UAP1: variants seen among roughly 807,000 people sequenced by gnomAD.
The protein encoded by UAP1 is UDP-N-acetylglucosamine pyrophosphorylase 1.
UAP1 carries 25 observed loss-of-function variants against 58.5 expected under a neutral mutation model. The ratio of observed to expected loss-of-function variants is 0.43; its 90% confidence interval spans 0.31 to 0.60. The LOEUF is 0.60. Among genes scored for constraint, UAP1 ranks in the 20% least tolerant of loss-of-function variants. The pLI, the probability that UAP1 is intolerant of heterozygous loss-of-function variation, is 0.11. For missense variants in UAP1, 575 were observed against 630.0 expected (o/e 0.91, Z 0.93); for synonymous variants, 208 against 213.0 (o/e 0.98, Z 0.21).
At chr1:162,589,445 G>A (rs1655168610) in intron 7 of UAP1, among the ~76,000 whole-genome samples, 1 of 149,736 alleles carries the variant, frequency 6.7e-6, no homozygotes, top group Non-Finnish European at 1.5e-5. Flanking sequence ...GAGCCACTAC[G>A]CCCCGCCTTG....
At chr1:162,562,132 G>A (rs1653182020) in intron 1 of UAP1, among the ~76,000 whole-genome samples, 2 of 152,116 alleles carry the variant, frequency 1.3e-5, no homozygotes, top group Non-Finnish European at 2.9e-5. Flanking sequence ...GGGTCGTGTA[G>A]GCGTGTGGGG....
chr1:162,594,807 C>T (rs1264855417), intron 9 of UAP1, among the ~76,000 whole-genome samples: 1 of 152,168 alleles, frequency 6.6e-6, no homozygotes, highest in African/African-American at 2.4e-5. Flanking sequence ...GCCCAGTTTA[C>T]TTCATTTTAG....
intron 7 of UAP1, among the ~76,000 whole-genome samples, chr1:162,589,404 C>G (rs970927689): frequency 1.0e-3 from 152 of 148,388 alleles, no homozygotes; most frequent in African/African-American, 3.5e-3. Flanking sequence ...CTTCCCATCT[C>G]GGCCGCCCAA....
chr1:162,597,514 A>G (rs1236375807), intron 9 of UAP1: 5 of 338,392 alleles, frequency 1.5e-5, no homozygotes, highest in South Asian at 6.5e-5. Flanking sequence ...TAAAAATGAG[A>G]TGTATGTAAG....
chr1:162,581,684 G>A (rs942742695), intron 5 of UAP1, among the ~76,000 whole-genome samples: 5 of 152,292 alleles, frequency 3.3e-5, no homozygotes, highest in African/African-American at 1.2e-4. Context: ...TAAACTATGT[G>A]AGGAGGATTT....
At chr1:162,590,071 G>A (rs1322564329) in intron 7 of UAP1, among the ~76,000 whole-genome samples, 3 of 137,016 alleles carry the variant, frequency 2.2e-5, no homozygotes, top group Non-Finnish European at 4.7e-5. Context: ...TGTGATCTTT[G>A]TACATTAAGA....
At chr1:162,571,469 TC>T (rs1376388971) in intron 2 of UAP1, among the ~76,000 whole-genome samples, 2 of 152,140 alleles carry the variant, frequency 1.3e-5, no homozygotes, top group African/African-American at 4.8e-5. Context: ...TGTGTTGAGT[TC>T]CCTTGTGTAG....
At chr1:162,589,849 G>C (rs541987833) in intron 7 of UAP1, among the ~76,000 whole-genome samples, 1 of 152,244 alleles carries the variant, frequency 6.6e-6, no homozygotes, top group South Asian at 2.1e-4. Context: ...GTGCATGCCT[G>C]AAGTCCCAGC....
chr1:162,597,995 A>T, intron 10 of UAP1, 137 bp downstream of exon 10: 2 of 716,524 alleles, frequency 2.8e-6, no homozygotes, highest in South Asian at 3.8e-5. Flanking sequence ...AATTGGCTTT[A>T]TTTGATTATT....
chr1:162,566,022 A>G (rs778179357), exon 2 of UAP1: 2 of 1,570,900 alleles, frequency 1.3e-6, no homozygotes, highest in South Asian at 1.2e-5. Flanking sequence ...GTTTACAGGT[A>G]CATACATTAC....
At chr1:162,571,172 A>G (rs1172551776) in intron 2 of UAP1, among the ~76,000 whole-genome samples, 2 of 147,826 alleles carry the variant, frequency 1.4e-5, no homozygotes, top group Non-Finnish European at 3.0e-5. Flanking sequence ...TCCGTTGCCC[A>G]GGCTGGAGTG....
In UAP1 at chr1:162,575,808, C is replaced by G. The variant is rs1654146364; in HGVS notation, c.281-969C>G. ...CTCCGCCTTCTGGGTTCAAGCAATT[C>G]TCCTGTTTCAGCCTACAGGTGTGTG... On this transcript the variant is annotated intron_variant, in intron 2 of 10. Transcript: ENST00000271469. 2.6e-5 allele frequency among the ~76,000 whole-genome samples: 4 copies of G among 150,992 alleles called. No individual in the cohort carries two copies. In the South Asian group the frequency reaches 8.4e-4, roughly 32 times the overall value.
At chr1:162,583,920 G>A (rs971967386) in intron 5 of UAP1, among the ~76,000 whole-genome samples, 5 of 152,152 alleles carry the variant, frequency 3.3e-5, no homozygotes, top group Admixed American at 6.5e-5. Flanking sequence ...GATTACAGGC[G>A]TGAGCCACTG....
intron 8 of UAP1, among the ~76,000 whole-genome samples, chr1:162,590,922 C>CTAT (rs922949959): frequency 6.8e-6 from 1 of 147,952 alleles, no homozygotes; most frequent in Non-Finnish European, 1.5e-5. Flanking sequence ...GGCCTCACCA[C>CTAT]TATTTTTTTT....
chr1:162,596,727 G>A (rs1380851430), intron 9 of UAP1, among the ~76,000 whole-genome samples: 1 of 152,178 alleles, frequency 6.6e-6, no homozygotes, highest in Non-Finnish European at 1.5e-5. Flanking sequence ...GCTAAACTCA[G>A]AAGCCCTCTG....
At chr1:162,570,025 T>G (rs1190972484) in intron 2 of UAP1, among the ~76,000 whole-genome samples, 1 of 151,992 alleles carries the variant, frequency 6.6e-6, no homozygotes. Flanking sequence ...GGCAGGTGCT[T>G]GTAGTCCCAG....
At chr1:162,587,728 C>T (rs1654988459) in intron 6 of UAP1, 60 bp downstream of exon 6, 3 of 1,527,794 alleles carry the variant, frequency 2.0e-6, no homozygotes, top group East Asian at 2.3e-5. Flanking sequence ...AACTAAGACA[C>T]TTGAGAGGGA....
intron 2 of UAP1, among the ~76,000 whole-genome samples, chr1:162,569,695 G>A (rs1571056090): frequency 6.6e-6 from 1 of 151,606 alleles, no homozygotes; most frequent in East Asian, 1.9e-4. Context: ...AGCTTTTTTT[G>A]CCTATGAGAC....
chr1:162,577,061 C>A, intron 3 of UAP1, 80 bp downstream of exon 3: 1 of 1,247,702 alleles, frequency 8.0e-7, no homozygotes, highest in Non-Finnish European at 1.1e-6. Flanking sequence ...ACTTTATGCA[C>A]TCACAGACAT....
Sources: gnomAD v4.1 joint callset for allele counts (sites outside exome capture counted in the v4.1 genomes callset) on GRCh38, gnomAD v4.1.1 for gene constraint, MANE v1.5 for transcripts, NCBI Gene and HGNC (gene_info 2026-07-23, HGNC 2026-07-21) for gene names.